The following CSMD2 variants were observed in gnomAD, a reference collection of about 807,000 sequenced individuals.
CSMD2 encodes the protein CUB and sushi domain-containing protein 2.
Under a neutral mutation model 398.5 loss-of-function variants are expected in CSMD2, and 130 were observed. That is an observed-to-expected ratio of 0.33 (90% CI 0.28 to 0.38). CSMD2 has a LOEUF of 0.38. Ranked by LOEUF, CSMD2 falls within the 10% of genes least tolerant of loss-of-function variation. CSMD2 has a pLI of 1.00. For missense variants in CSMD2, 3,829 were observed against 4,764.9 expected, an observed-to-expected ratio of 0.80 and a Z score of 5.78; for synonymous variants, 1,828 against 1,908.5, an observed-to-expected ratio of 0.96 and a Z score of 1.10.
chr1:33,835,695 AAC>A (rs1660155367), intron 6 of CSMD2, among the ~76,000 whole-genome samples: 39 of 108,412 alleles, frequency 3.6e-4, no homozygotes, highest in East Asian at 2.1e-3. Context: ...AAACAAAAAA[AAC>A]AAACAAAAAT....
intron 3 of CSMD2, among the ~76,000 whole-genome samples, chr1:34,013,371 C>A (rs1006167547): frequency 3.3e-5 from 5 of 152,174 alleles, no homozygotes; most frequent in African/African-American, 1.2e-4. Flanking sequence ...GAGGGGCATC[C>A]TCTTGACAAC....
intron 41 of CSMD2, 73 bp from the exon 42 acceptor site, chr1:33,605,543 G>A: frequency 6.8e-7 from 1 of 1,475,710 alleles, no homozygotes; most frequent in Non-Finnish European, 9.3e-7. Flanking sequence ...AAGCATAGTG[G>A]TGAAGCCTCA....
intron 56 of CSMD2, among the ~76,000 whole-genome samples, chr1:33,547,443 C>T (rs374058202): frequency 3.3e-5 from 5 of 152,318 alleles, no homozygotes; most frequent in East Asian, 3.9e-4. Context: ...CCTCATGTAA[C>T]CATGTGTGGG....
At chr1:33,878,430 C>G (rs1454860487) in intron 5 of CSMD2, 1 of 152,324 alleles carries the variant, frequency 6.6e-6, no homozygotes. Flanking sequence ...CTCCCTTGAG[C>G]TGCCAGGTGT....
At position 33,535,438 on chromosome 1, in the gene CSMD2, T is replaced by G. The variant is rs573148685; in HGVS notation, c.9880-1531A>C. On this transcript the variant is annotated intron_variant, in intron 62 of 70. Coordinates refer to ENST00000373381, the MANE Select transcript of CSMD2 (RefSeq NM_001281956.2). ...TTTGTAAAAGTAGTGTCATGCCACC[T>G]TTGTCACTTGATAGTATGTTTCTAA... Among the ~76,000 whole-genome samples the G allele has an allele frequency of 2.0e-5, 3 of 152,384 alleles. No homozygotes were observed. The South Asian group carries it at 6.2e-4, about 32-fold the overall frequency.
chr1:34,066,641 G>C (rs1009649771), intron 2 of CSMD2, among the ~76,000 whole-genome samples: 1 of 152,170 alleles, frequency 6.6e-6, no homozygotes, highest in Non-Finnish European at 1.5e-5. Context: ...GGGCTCAAGA[G>C]AGGCAGGTGG....
chr1:34,110,807 C>A (rs75878768), intron 1 of CSMD2, among the ~76,000 whole-genome samples: 1 of 152,114 alleles, frequency 6.6e-6, no homozygotes, highest in Admixed American at 6.5e-5. Context: ...GGCTTAATAT[C>A]TAGGTGACAA....
chr1:34,123,276 C>T (rs1662383347), intron 1 of CSMD2, among the ~76,000 whole-genome samples: 1 of 152,170 alleles, frequency 6.6e-6, no homozygotes, highest in Non-Finnish European at 1.5e-5. Flanking sequence ...CGTAATGAAG[C>T]TTCCCTAAAA....
chr1:34,157,448 A>T lies in CSMD2; in HGVS notation c.187+7463T>A, dbSNP rs189207810. 2.6e-3 allele frequency among the ~76,000 whole-genome samples: 392 copies of T among 151,748 alleles called. 1 individual carries two copies. The highest frequency in any genetic ancestry group is 4.9e-3 in the Non-Finnish European group (334 of 67,904). On this transcript the variant is annotated intron_variant, in intron 1 of 70. Transcript: ENST00000373381. ...TGTTCCAACTCAACCAACCCAAACC[A>T]TCCCAATAAATCTGACTCACCTCTA...
intron 13 of CSMD2, among the ~76,000 whole-genome samples, chr1:33,757,742 A>G (rs1350606291): frequency 6.6e-6 from 1 of 152,208 alleles, no homozygotes; most frequent in African/African-American, 2.4e-5. Context: ...TCCATGAATG[A>G]CAACACCCAG....
chr1:33,961,388 C>CT (rs1645354137), intron 3 of CSMD2, among the ~76,000 whole-genome samples: 1 of 152,254 alleles, frequency 6.6e-6, no homozygotes, highest in African/African-American at 2.4e-5. Context: ...CAGGAGTCTT[C>CT]TGGCCTTGCA....
intron 25 of CSMD2, among the ~76,000 whole-genome samples, chr1:33,667,149 C>G (rs1053803646): frequency 6.6e-6 from 1 of 152,082 alleles, no homozygotes; most frequent in African/African-American, 2.4e-5. Context: ...TTATTGTATT[C>G]TAGTTAGAGA....
chr1:34,128,639 T>C (rs9425997), intron 1 of CSMD2, among the ~76,000 whole-genome samples: 54,882 of 152,110 alleles, frequency 0.36, 11,035 homozygotes, highest in East Asian at 0.69. Flanking sequence ...TGTGCAGCTG[T>C]CGGCCTTGTT....
chr1:33,568,435 C>A (rs1049840963), intron 52 of CSMD2, among the ~76,000 whole-genome samples: 7 of 152,150 alleles, frequency 4.6e-5, no homozygotes, highest in African/African-American at 1.7e-4. Flanking sequence ...GATCCACCCG[C>A]CTTTGCTTCC....
At chr1:33,794,677 CAT>C (rs1301308336) in intron 10 of CSMD2, among the ~76,000 whole-genome samples, 3 of 152,200 alleles carry the variant, frequency 2.0e-5, no homozygotes, top group Non-Finnish European at 4.4e-5. Context: ...AAAGGCATGA[CAT>C]GAGATTTTTG....
intron 41 of CSMD2, among the ~76,000 whole-genome samples, chr1:33,609,005 A>C (rs1640821609): frequency 6.6e-6 from 1 of 152,212 alleles, no homozygotes; most frequent in Non-Finnish European, 1.5e-5. Flanking sequence ...CCGACGCGTC[A>C]TGACCTGTTT....
At position 34,132,311 on chromosome 1, in the gene CSMD2, A is replaced by G. The variant is rs74637326; in HGVS notation, c.187+32600T>C. ...CCCCGATTCACTCTTACCATGTGACATTGTGGAATTCATCCCAGGCCCTGG... is the reference window on the plus strand; with the variant it reads ...CCCCGATTCACTCTTACCATGTGACGTTGTGGAATTCATCCCAGGCCCTGG... On this transcript the variant is annotated intron_variant, in intron 1 of 70. Coordinates refer to ENST00000373381, the MANE Select transcript of CSMD2 (RefSeq NM_001281956.2). Among the ~76,000 whole-genome samples, 668 of 151,808 alleles carry G rather than the reference A, an allele frequency of 4.4e-3. 5 individuals are homozygous for G. The highest frequency in any genetic ancestry group is 0.015 in the African/African-American group (631 of 41,398).
chr1:34,066,119 G>A, intron 2 of CSMD2, among the ~76,000 whole-genome samples: 1 of 152,162 alleles, frequency 6.6e-6, no homozygotes, highest in African/African-American at 2.4e-5. Context: ...TCCCCATAGG[G>A]CTGCTGAGAA....
intron 3 of CSMD2, among the ~76,000 whole-genome samples, chr1:33,996,046 A>G (rs1427668219): frequency 6.6e-6 from 1 of 152,260 alleles, no homozygotes; most frequent in Non-Finnish European, 1.5e-5. Context: ...ATGTCCTAAT[A>G]TTATTCAGAC....
Sources: allele counts gnomAD v4.1 joint callset (sites outside exome capture counted in the v4.1 genomes callset), GRCh38; gene constraint gnomAD v4.1.1; transcripts MANE v1.5; gene names NCBI Gene and HGNC (gene_info 2026-07-23, HGNC 2026-07-21).